FIRRM: variants seen among roughly 807,000 people sequenced by gnomAD.
The protein encoded by FIRRM is FIGNL1 interacting regulator of recombination and mitosis.
chr1:169,802,299 C>G, the FIRRM span, among the ~76,000 whole-genome samples: 1 of 151,922 alleles, frequency 6.6e-6, no homozygotes, highest in Non-Finnish European at 1.5e-5. Flanking sequence ...ATTTATTGTG[C>G]GAAAGTAATA....
chr1:169,838,503 T>G, the FIRRM span, among the ~76,000 whole-genome samples: 2 of 152,088 alleles, frequency 1.3e-5, no homozygotes, highest in Non-Finnish European at 2.9e-5. Context: ...TTTATTTTAT[T>G]TTTTGAGATG....
the FIRRM span, among the ~76,000 whole-genome samples, chr1:169,796,148 T>C: frequency 5.3e-5 from 8 of 152,260 alleles, no homozygotes; most frequent in African/African-American, 1.9e-4. Context: ...CACCTAGGCA[T>C]TAGCAAAATC....
the FIRRM span, chr1:169,827,817 C>T: frequency 6.2e-7 from 1 of 1,613,754 alleles, no homozygotes; most frequent in Non-Finnish European, 8.5e-7. Flanking sequence ...GCACAGACAG[C>T]CAGGTCTCAG....
the FIRRM span, chr1:169,808,049 T>C: frequency 7.2e-6 from 7 of 976,068 alleles, no homozygotes; most frequent in Non-Finnish European, 1.1e-5. Context: ...TTCATTTGGG[T>C]GTTTTTTTTT....
chr1:169,837,791 A>C, the FIRRM span, among the ~76,000 whole-genome samples: 3 of 152,218 alleles, frequency 2.0e-5, no homozygotes, highest in Non-Finnish European at 4.4e-5. Context: ...AAGTAGAGAA[A>C]AGCAAAGATA....
chr1:169,841,040 G>T, the FIRRM span, among the ~76,000 whole-genome samples: 1,021 of 152,250 alleles, frequency 6.7e-3, 10 homozygotes, highest in African/African-American at 0.023. Context: ...TTCTGAAGAG[G>T]AATGCCTCCA....
At chr1:169,801,617 A>C in the FIRRM span, among the ~76,000 whole-genome samples, 3 of 144,534 alleles carry the variant, frequency 2.1e-5, no homozygotes, top group Admixed American at 2.1e-4. Flanking sequence ...AAAAAAAAAA[A>C]GAAAAGCTGG....
the FIRRM span, chr1:169,842,565 T>G: frequency 6.2e-7 from 1 of 1,600,876 alleles, no homozygotes; most frequent in Non-Finnish European, 8.5e-7. Flanking sequence ...GATCCTTTCC[T>G]TATCAAAAAA....
At chr1:169,821,749 A>G in the FIRRM span, 3 of 1,605,320 alleles carry the variant, frequency 1.9e-6, no homozygotes, top group East Asian at 2.2e-5. Flanking sequence ...TCCCTTTTGC[A>G]CTACGCTAAG....
At chr1:169,850,529 G>A in the FIRRM span, 39,430 of 507,022 alleles carry the variant, frequency 0.078, 1,893 homozygotes, top group Middle Eastern at 0.099. Flanking sequence ...CAGGCGCGGC[G>A]GCTCATGCCT....
At chr1:169,806,047 G>C in the FIRRM span, 2 of 1,602,002 alleles carry the variant, frequency 1.2e-6, no homozygotes, top group Admixed American at 1.7e-5. Context: ...TTTCCAGTAT[G>C]GACCATGCAT....
chr1:169,804,148 A>G, the FIRRM span: 6 of 1,599,126 alleles, frequency 3.8e-6, no homozygotes, highest in East Asian at 9.0e-5. Flanking sequence ...AAGGAGGCCT[A>G]TTCTCTTCAA....
At chr1:169,790,486 C>G in the FIRRM span, among the ~76,000 whole-genome samples, 1 of 151,924 alleles carries the variant, frequency 6.6e-6, no homozygotes, top group East Asian at 1.9e-4. Context: ...ATGCCTGGCC[C>G]CAAATTTATC....
At chr1:169,811,776 A>G in the FIRRM span, among the ~76,000 whole-genome samples, 5,011 of 142,278 alleles carry the variant, frequency 0.035, 268 homozygotes, top group Non-Finnish European at 0.055. Flanking sequence ...AGATTATCTA[A>G]ATAGATAATA....
the FIRRM span, among the ~76,000 whole-genome samples, chr1:169,847,335 AAAAAAGC>A: frequency 6.8e-6 from 1 of 148,128 alleles, no homozygotes; most frequent in African/African-American, 2.5e-5. Context: ...AAAAAAAAAA[AAAAAAGC>A]AGTATCTTCA....
At chr1:169,786,152 A>G in the FIRRM span, among the ~76,000 whole-genome samples, 1 of 152,212 alleles carries the variant, frequency 6.6e-6, no homozygotes, top group Non-Finnish European at 1.5e-5. Flanking sequence ...ACTTTGGGAA[A>G]ATGAAAGCTA....
chr1:169,812,070 G>A, the FIRRM span, among the ~76,000 whole-genome samples: 1 of 152,094 alleles, frequency 6.6e-6, no homozygotes, highest in Admixed American at 6.6e-5. Flanking sequence ...ATCAAAGATG[G>A]GACTGTTAAG....
chr1:169,851,146 G>A, the FIRRM span: 1 of 143,338 alleles, frequency 7.0e-6, no homozygotes, highest in African/African-American at 2.7e-5. Flanking sequence ...GAATCACAAG[G>A]TTCCTATGTC....
the FIRRM span, chr1:169,799,007 G>T: frequency 2.7e-6 from 2 of 743,398 alleles, no homozygotes; most frequent in Non-Finnish European, 4.4e-6. Flanking sequence ...GTTAAGGTCC[G>T]AGTCCCCACA....
Sources: allele counts gnomAD v4.1 joint callset (sites outside exome capture counted in the v4.1 genomes callset), GRCh38; gene constraint gnomAD v4.1.1; transcripts MANE v1.5; gene names NCBI Gene and HGNC (gene_info 2026-07-23, HGNC 2026-07-21).